Variants in FGFR1 observed in about 807,000 individuals in gnomAD.
FGFR1 encodes the protein FGFR1/PLAG1 fusion.
In FGFR1, 18 loss-of-function variants were observed where a neutral mutation model predicts 93.7. The ratio of observed to expected loss-of-function variants is 0.19; its 90% CI spans 0.13 to 0.28. The LOEUF is 0.28. Ranked by LOEUF, FGFR1 falls within the 10% of genes least tolerant of loss-of-function variation. The pLI, the probability that FGFR1 is intolerant of heterozygous loss-of-function variation, is 1.00. For missense variants in FGFR1, 731 were observed against 1,080.4 expected, an observed-to-expected ratio of 0.68 and a Z score of 4.53; for synonymous variants, 448 against 429.3, an observed-to-expected ratio of 1.04 and a Z score of -0.54.
In FGFR1 at chr8:38,414,417, C is replaced by A. The variant is rs1226525652; in HGVS notation, c.2049-128G>T. The A allele has an allele frequency of 1.8e-5, 27 of 1,541,464 alleles. No homozygotes were observed. The East Asian group carries it at 6.3e-4, about 36-fold the overall frequency. Reference sequence around the variant, plus strand: ...CAGATCAGCCTTTCAACATCTGGAGCAGAGGGAATGGCCACAGACAATGTT... The same window carrying A: ...CAGATCAGCCTTTCAACATCTGGAGAAGAGGGAATGGCCACAGACAATGTT... On this transcript the variant is annotated intron_variant, in intron 15 of 17. Coordinates refer to ENST00000447712, the MANE Select transcript of FGFR1 (RefSeq NM_023110.3).
chr8:38,460,113 G>A (rs567101609), intron 1 of FGFR1, among the ~76,000 whole-genome samples: 18 of 152,252 alleles, frequency 1.2e-4, no homozygotes, highest in Admixed American at 7.2e-4. Context: ...AATTTGGGAG[G>A]TGGAGGTTGC....
intron 2 of FGFR1, among the ~76,000 whole-genome samples, chr8:38,431,132 C>A (rs1018902274): frequency 6.6e-6 from 1 of 152,176 alleles, no homozygotes; most frequent in African/African-American, 2.4e-5. Flanking sequence ...TGCCGCTCCC[C>A]GATGCATAAG....
chr8:38,413,833 G>T lies in FGFR1; in HGVS notation c.2293-29C>A. On this transcript the variant is annotated intron_variant, in intron 17 of 17. Coordinates refer to ENST00000447712, the MANE Select transcript of FGFR1 (RefSeq NM_023110.3). This position sits in a 1 kb window ranked among gnomAD's most constrained non-coding sequence, Gnocchi z 4.2. ...TGATGGGCGAGAGGAAGCAGCGATG[G>T]GCCGGGCCCCTCCTCCCTGCTCAGG... 3 of 1,613,804 alleles carry T rather than the reference G, an allele frequency of 1.9e-6. No individual in the cohort carries two copies. Among genetic ancestry groups the T allele is most frequent in the Non-Finnish European group, 2.5e-6 (3 of 1,179,836 alleles).
rs752961023 is a variant in FGFR1 at position 38,424,475 on chromosome 8, T to C, written c.936+34A>G. On this transcript the variant is annotated intron_variant, in intron 7 of 17. Coordinates refer to ENST00000447712, the MANE Select transcript of FGFR1 (RefSeq NM_023110.3). The surrounding 1 kb of genome is among the most constrained non-coding windows in gnomAD (Gnocchi z 4.3). ...CCCGAGACAGTGGTCTCCTTCCCAG[T>C]AGACTGGCCCACGAAGACTGGTGCC... 5 of 1,613,310 alleles carry C rather than the reference T, an allele frequency of 3.1e-6. No homozygotes were observed. The African/African-American group carries it at 5.3e-5, about 17-fold the overall frequency.
intron 1 of FGFR1, chr8:38,467,562 T>TAACACACAC (rs1447232674): frequency 6.0e-5 from 14 of 234,514 alleles, no homozygotes; most frequent in Non-Finnish European, 9.2e-5. Flanking sequence ...CACACACACA[T>TAACACACAC]AACACACACA....
rs561923573 is a variant in FGFR1 at position 38,412,504 on chromosome 8, G to A, written c.*1124C>T. On this transcript the variant is annotated 3_prime_UTR_variant, in exon 18 of 18. Coordinates refer to ENST00000447712, the MANE Select transcript of FGFR1 (RefSeq NM_023110.3). ...CCCAGCGCCTCTACTGCATGGATGG[G>A]GTTCCTGCCCTCGAAGCAGACATCT... 8.6e-6 allele frequency: 2 copies of A among 233,036 alleles called. No individual in the cohort carries two copies. Among genetic ancestry groups the A allele is most frequent in the Non-Finnish European group, 1.7e-5 (2 of 117,910 alleles). 14.4% of individuals were successfully genotyped at this position (233,036 alleles called of 1,614,324 possible).
chr8:38,434,705 C>T (rs1317654936), intron 2 of FGFR1: 1 of 166,266 alleles, frequency 6.0e-6, no homozygotes, highest in Non-Finnish European at 1.3e-5. Flanking sequence ...ATGGTCACCT[C>T]CAGCTTCACA....
At chr8:38,437,657 G>A (rs1272814228) in intron 2 of FGFR1, among the ~76,000 whole-genome samples, 7 of 152,124 alleles carry the variant, frequency 4.6e-5, no homozygotes, top group South Asian at 2.1e-4. Flanking sequence ...AGTGGGAGAT[G>A]AGGCCAGGCT....
rs894629556 is a variant in FGFR1, at chr8:38,412,877, G to A, written c.*751C>T. ...TTTTCTTTTTTGTTTTTAATATATAGCAACTGATGCCTCCCAGCCACCAGG... is the reference window on the plus strand; with the variant it reads ...TTTTCTTTTTTGTTTTTAATATATAACAACTGATGCCTCCCAGCCACCAGG... On this transcript the variant is annotated 3_prime_UTR_variant, in exon 18 of 18. Transcript: ENST00000447712. The A allele has an allele frequency of 4.3e-6, 1 of 233,140 alleles. No homozygotes were observed. Among genetic ancestry groups the A allele is most frequent in the African/African-American group, 2.2e-5 (1 of 45,178 alleles). The allele number at this position is 233,140 out of a possible 1,614,324, so 14.4% of individuals were successfully genotyped here. A position where few individuals can be genotyped will look rare whatever the true frequency, so the allele number is the denominator to read the frequency against.
At position 38,424,416 on chromosome 8, in the gene FGFR1, G is replaced by A; in HGVS notation, c.936+93C>T. The A allele has an allele frequency of 7.3e-7, 1 of 1,369,948 alleles. No homozygotes were observed. The highest frequency in any genetic ancestry group is 1.0e-6 in the Non-Finnish European group (1 of 959,930). 84.9% of individuals were successfully genotyped at this position (1,369,948 alleles called of 1,614,324 possible). A position where few individuals can be genotyped will look rare whatever the true frequency, so the allele number is the denominator to read the frequency against. On this transcript the variant is annotated intron_variant, in intron 7 of 17. Coordinates refer to ENST00000447712, the MANE Select transcript of FGFR1 (RefSeq NM_023110.3). This position sits in a 1 kb window ranked among gnomAD's most constrained non-coding sequence, Gnocchi z 4.3. ...GAAGCGTGAGGAATGATCCCATTCG[G>A]GGGCAACTGAGCCTGCCCACAGGAA...
In FGFR1 at chr8:38,418,735, G is replaced by C. The variant is rs186643682; in HGVS notation, c.1285-362C>G. 2.2e-3 allele frequency: 745 copies of C among 343,988 alleles called. 13 individuals carry two copies. Among genetic ancestry groups the C allele is most frequent in the East Asian group, 4.5e-3 (65 of 14,534 alleles). 21.3% of individuals were successfully genotyped at this position (343,988 alleles called of 1,614,324 possible). Reference sequence around the variant, plus strand: ...TTCCTAACTCCCAAAGCACCTTCCAGAATGAGCACAGGCTTCTGAGGGAAC... The same window carrying C: ...TTCCTAACTCCCAAAGCACCTTCCACAATGAGCACAGGCTTCTGAGGGAAC... On this transcript the variant is annotated intron_variant, in intron 9 of 17. Transcript: ENST00000447712.
At chr8:38,451,674 C>A (rs575232290) in intron 2 of FGFR1, among the ~76,000 whole-genome samples, 1 of 152,252 alleles carries the variant, frequency 6.6e-6, no homozygotes, top group East Asian at 1.9e-4. Context: ...CAGACTCCTT[C>A]AAATCTGGGT....
In FGFR1 at chr8:38,454,076, T is replaced by A. The variant is rs561838034; in HGVS notation, c.91+3280A>T. On this transcript the variant is annotated intron_variant, in intron 2 of 17. Transcript: ENST00000447712. ...TCAGTCTTCCTGGGTACATGGCTCC[T>A]AAGAGCCCCATCCACCTCTCTTACT... is the stretch of plus-strand genomic sequence containing the variant. 1.1e-4 allele frequency among the ~76,000 whole-genome samples: 16 copies of A among 152,288 alleles called. No individual in the cohort carries two copies. The South Asian group carries it at 3.3e-3, about 32-fold the overall frequency.
At chr8:38,431,915 GAGAAAAGC>G (rs1823305880) in intron 2 of FGFR1, among the ~76,000 whole-genome samples, 2 of 152,130 alleles carry the variant, frequency 1.3e-5, no homozygotes, top group Admixed American at 1.3e-4. Flanking sequence ...CGAAGGTAAG[GAGAAAAGC>G]AGTTTAGACT....
At position 38,413,247 on chromosome 8, in the gene FGFR1, T is replaced by G. The variant is rs1038764816; in HGVS notation, c.*381A>C. 1.3e-4 allele frequency: 42 copies of G among 331,442 alleles called. No individual in the cohort carries two copies. The highest frequency in any genetic ancestry group is 2.0e-4 in the Non-Finnish European group (35 of 178,844). 20.5% of individuals were successfully genotyped at this position (331,442 alleles called of 1,614,324 possible). A position where few individuals can be genotyped will look rare whatever the true frequency, so the allele number is the denominator to read the frequency against. ...CTGCCACCAGAGTGCGAGGGGCTTA[T>G]GGGTGAAGGCAAAACAGACCAAACC... is the stretch of plus-strand genomic sequence containing the variant. On this transcript the variant is annotated 3_prime_UTR_variant, in exon 18 of 18. Transcript: ENST00000447712. The surrounding 1 kb of genome is among the most constrained non-coding windows in gnomAD (Gnocchi z 4.2).
At chr8:38,451,465 G>A (rs979214096) in intron 2 of FGFR1, among the ~76,000 whole-genome samples, 8 of 152,168 alleles carry the variant, frequency 5.3e-5, no homozygotes, top group African/African-American at 1.9e-4. Context: ...TGGAGGACCT[G>A]CAAGGGCCCT....
intron 2 of FGFR1, among the ~76,000 whole-genome samples, chr8:38,441,276 A>T (rs1362193474): frequency 6.6e-6 from 1 of 152,158 alleles, no homozygotes; most frequent in African/African-American, 2.4e-5. Flanking sequence ...GCCTCCTTCA[A>T]ATCTGTACTT....
intron 2 of FGFR1, chr8:38,430,664 C>T (rs1822707462): frequency 6.6e-6 from 1 of 152,368 alleles, no homozygotes; most frequent in South Asian, 2.1e-4. Flanking sequence ...AAAACCCACA[C>T]TTGCTCTGGC....
Position 38,450,136 on chromosome 8 carries a change from G to A in FGFR1, c.91+7220C>T, listed in dbSNP as rs1035933923. Among the ~76,000 whole-genome samples, 6 of 152,210 alleles carry A rather than the reference G, an allele frequency of 3.9e-5. No homozygotes were observed. The East Asian group carries it at 9.7e-4, about 24-fold the overall frequency. On this transcript the variant is annotated intron_variant, in intron 2 of 17. Transcript: ENST00000447712. ...GCCCAGGCCCTTCAGATCCAGGTAG[G>A]GCAGTTAGCTTTCAGCTTAATTATT... is the stretch of plus-strand genomic sequence containing the variant.
Sources: gnomAD v4.1 joint callset for allele counts (sites outside exome capture counted in the v4.1 genomes callset) on GRCh38, gnomAD v4.1.1 for gene constraint, Gnocchi (gnomAD v3.1) non-coding constraint, MANE v1.5 for transcripts, NCBI Gene and HGNC (gene_info 2026-07-23, HGNC 2026-07-21) for gene names.